The following C12orf42 variants were observed in gnomAD, a reference collection of about 807,000 sequenced individuals.
The protein encoded by C12orf42 is chromosome 12 open reading frame 42.
A neutral mutation model predicts 21.6 loss-of-function variants in C12orf42; 25 were observed. The ratio of observed to expected loss-of-function variants is 1.16; its 90% confidence interval spans 0.84 to 1.62. The LOEUF is 1.62. Ranked by LOEUF, C12orf42 falls within the 40% of genes most tolerant of loss-of-function variation. The pLI is 0.00. For missense variants in C12orf42, 483 were observed against 459.3 expected (o/e 1.05, Z -0.47); for synonymous variants, 174 against 175.0 (o/e 0.99, Z 0.05).
the C12orf42 span, among the ~76,000 whole-genome samples, chr12:103,067,519 C>A: frequency 6.6e-6 from 1 of 152,150 alleles, no homozygotes; most frequent in African/African-American, 2.4e-5. Flanking sequence ...TCTTAATCAG[C>A]GTCCAATATA....
chr12:103,153,677 G>A, the C12orf42 span, among the ~76,000 whole-genome samples: 12 of 152,018 alleles, frequency 7.9e-5, no homozygotes, highest in Non-Finnish European at 1.8e-4. Context: ...AAAGGATGTG[G>A]AACAACTGAA....
At chr12:103,050,897 A>G in the C12orf42 span, among the ~76,000 whole-genome samples, 1 of 152,206 alleles carries the variant, frequency 6.6e-6, no homozygotes, top group Admixed American at 6.5e-5. Context: ...TGAAGGGCTT[A>G]AAAATTGTTC....
intron 2 of C12orf42, among the ~76,000 whole-genome samples, chr12:103,425,500 A>C (rs1427193411): frequency 2.0e-5 from 3 of 152,306 alleles, no homozygotes; most frequent in East Asian, 1.9e-4. Flanking sequence ...ACAGGCAGCA[A>C]TCTTTGCTGT....
chr12:103,112,129 T>G, the C12orf42 span, among the ~76,000 whole-genome samples: 1 of 152,324 alleles, frequency 6.6e-6, no homozygotes, highest in African/African-American at 2.4e-5. Context: ...CAGGGTTGTG[T>G]GCAAAAACCA....
chr12:103,475,956 T>C (rs1424870033), intron 2 of C12orf42, among the ~76,000 whole-genome samples: 2 of 152,202 alleles, frequency 1.3e-5, no homozygotes, highest in South Asian at 2.1e-4. Flanking sequence ...ATGGGGCCTG[T>C]TTGTCATTCC....
the C12orf42 span, among the ~76,000 whole-genome samples, chr12:103,173,904 C>T: frequency 3.0e-4 from 45 of 152,194 alleles, no homozygotes; most frequent in South Asian, 6.2e-4. Flanking sequence ...TGGGAAGTGA[C>T]GATGGATTTA....
chr12:103,095,606 A>G, the C12orf42 span, among the ~76,000 whole-genome samples: 3 of 152,238 alleles, frequency 2.0e-5, no homozygotes, highest in Admixed American at 6.5e-5. Flanking sequence ...TTGCCTTCCA[A>G]CATACCATAC....
At chr12:103,403,731 C>T (rs1274485068) in intron 2 of C12orf42, among the ~76,000 whole-genome samples, 1 of 152,192 alleles carries the variant, frequency 6.6e-6, no homozygotes, top group Admixed American at 6.5e-5. Flanking sequence ...CGATAATTTG[C>T]GTCTCAGTTC....
At chr12:103,235,263 A>G (rs575495023), downstream of C12orf42, among the ~76,000 whole-genome samples, 6 of 152,270 alleles carry the variant, frequency 3.9e-5, no homozygotes, top group African/African-American at 1.4e-4. Context: ...AAGTAAAATT[A>G]CATTTCCTTT....
rs374218025 is a variant in C12orf42 at position 103,434,747 on chromosome 12, C to G, written c.79-33072G>C. The stretch of plus-strand genomic sequence containing the variant: ...ATATGCCGCACCTGGCTTGGAGGGT[C>G]CTACGCCCACGGACTCTTGCTGATT... On this transcript the variant is annotated intron_variant, in intron 2 of 5. Coordinates refer to ENST00000548883, the MANE Select transcript of C12orf42 (RefSeq NM_198521.5). Among the ~76,000 whole-genome samples the G allele has an allele frequency of 1.5e-3, 227 of 152,306 alleles. 7 individuals are homozygous for G. In the South Asian group the frequency reaches 0.046, roughly 31 times the overall value.
At chr12:103,217,972 C>G in the C12orf42 span, among the ~76,000 whole-genome samples, 3 of 152,118 alleles carry the variant, frequency 2.0e-5, no homozygotes, top group South Asian at 6.2e-4. Context: ...TCTCATCATC[C>G]CTTTTCACTT....
chr12:103,230,844 T>C, the C12orf42 span, among the ~76,000 whole-genome samples: 1 of 152,156 alleles, frequency 6.6e-6, no homozygotes, highest in African/African-American at 2.4e-5. Flanking sequence ...AAAAATTTCT[T>C]TGGACTTATG....
chr12:103,145,309 A>G, the C12orf42 span, among the ~76,000 whole-genome samples: 1 of 152,184 alleles, frequency 6.6e-6, no homozygotes, highest in African/African-American at 2.4e-5. Flanking sequence ...TTCCAGTTCC[A>G]GTTCAGTTGC....
chr12:103,396,781 G>A (rs1184353728), intron 3 of C12orf42: 1 of 152,450 alleles, frequency 6.6e-6, no homozygotes, highest in Non-Finnish European at 1.5e-5. Context: ...GGACTGAGCA[G>A]AGGAAGGGGC....
At chr12:103,344,619 G>A (rs969632976) in intron 4 of C12orf42, among the ~76,000 whole-genome samples, 1 of 152,118 alleles carries the variant, frequency 6.6e-6, no homozygotes, top group Non-Finnish European at 1.5e-5. Context: ...GGGATTGATT[G>A]GATCAATTAA....
intron 2 of C12orf42, among the ~76,000 whole-genome samples, chr12:103,435,102 C>G (rs1337682278): frequency 6.6e-6 from 1 of 151,964 alleles, no homozygotes; most frequent in African/African-American, 2.4e-5. Context: ...CCCTGACCCC[C>G]GAGCAGCCTA....
At chr12:103,210,639 C>CTTTTTTTTTTTTTTTTTTTTTTT in the C12orf42 span, among the ~76,000 whole-genome samples, 7 of 77,634 alleles carry the variant, frequency 9.0e-5, no homozygotes, top group African/African-American at 1.4e-4. Flanking sequence ...CCCTCTATTT[C>CTTTTTTTTTTTTTTTTTTTTTTT]TTTTTTTTTT....
chr12:103,358,952 C>A (rs950329249), intron 4 of C12orf42, among the ~76,000 whole-genome samples: 1 of 152,098 alleles, frequency 6.6e-6, no homozygotes, highest in African/African-American at 2.4e-5. Context: ...CAAAACTCCC[C>A]ATTGTAACCT....
chr12:103,256,111 TACACACACACACAC>T (rs199952822), intron 10 of C12orf42, among the ~76,000 whole-genome samples: 1,362 of 33,852 alleles, frequency 0.04, 39 homozygotes, highest in South Asian at 0.15. Flanking sequence ...TATATATATA[TACACACACACACAC>T]ACACACACAC....
Sources: allele counts gnomAD v4.1 joint callset (sites outside exome capture counted in the v4.1 genomes callset), GRCh38; gene constraint gnomAD v4.1.1; transcripts MANE v1.5; gene names NCBI Gene and HGNC (gene_info 2026-07-23, HGNC 2026-07-21).